EXTL3: variants seen among roughly 807,000 people sequenced by gnomAD.
The protein encoded by EXTL3 is exostosin like glycosyltransferase 3.
In EXTL3, 27 loss-of-function variants were observed where a neutral mutation model predicts 69.3. That is an observed-to-expected ratio of 0.39 (90% CI 0.29 to 0.54). EXTL3 has a LOEUF of 0.54. EXTL3 is among the 20% of genes least tolerant of loss of function. The pLI is 0.69. For missense variants in EXTL3, 1,003 were observed against 1,231.8 expected (o/e 0.81, Z 2.78); for synonymous variants, 511 against 499.4 (o/e 1.02, Z -0.31).
chr8:28,701,100 T>C (rs1395670544), upstream of EXTL3: 1 of 152,272 alleles, frequency 6.6e-6, no homozygotes, highest in Non-Finnish European at 1.5e-5. Flanking sequence ...TTGGAGGCCT[T>C]TTCTCTGAGA....
Position 28,661,014 on chromosome 8 carries a change from C to A in EXTL3, c.-53+38204C>A, listed in dbSNP as rs534840021. On this transcript the variant is annotated intron_variant, in intron 1 of 6. Transcript: ENST00000523149. ...CTGCAAGCTCCGCCTCCCGGGTTCA[C>A]GCTATTCTTCTGCCTCAGCCTCCCA... Among the ~76,000 whole-genome samples, 49 of 150,584 alleles carry A rather than the reference C, an allele frequency of 3.3e-4. No homozygotes were observed. In the Admixed American group the frequency reaches 3.3e-3, roughly 10 times the overall value.
intron 2 of EXTL3, among the ~76,000 whole-genome samples, chr8:28,617,183 C>T (rs1331489471): frequency 1.3e-5 from 2 of 152,138 alleles, no homozygotes; most frequent in Non-Finnish European, 2.9e-5. Flanking sequence ...ATGAATGAGT[C>T]ATACCTGTTG....
At chr8:28,705,514 T>G (rs2130710887) in intron 1 of EXTL3, among the ~76,000 whole-genome samples, 1 of 151,368 alleles carries the variant, frequency 6.6e-6, no homozygotes, top group East Asian at 1.9e-4. Flanking sequence ...AGTCCAGGAG[T>G]TCAAGACCAG....
At position 28,752,010 on chromosome 8, in the gene EXTL3, G is replaced by A. The variant is rs139751755; in HGVS notation, c.*1144G>A. 97 of 152,426 alleles carry A rather than the reference G, an allele frequency of 6.4e-4. No individual in the cohort carries two copies. In the East Asian group the frequency reaches 0.014, roughly 22 times the overall value. The allele number at this position is 152,426 out of a possible 1,614,324, so 9.4% of individuals were successfully genotyped here. ...CCTTGGTGAAATTCACCTTCCCCCC[G>A]CCTCTGTCTGGAGCCCCATCCTGTG... is the stretch of plus-strand genomic sequence containing the variant. On this transcript the variant is annotated 3_prime_UTR_variant, in exon 7 of 7. Coordinates refer to ENST00000220562, the MANE Select transcript of EXTL3 (RefSeq NM_001440.4).
chr8:28,671,052 C>T (rs1807279685), intron 1 of EXTL3, among the ~76,000 whole-genome samples: 1 of 151,770 alleles, frequency 6.6e-6, no homozygotes, highest in South Asian at 2.1e-4. Context: ...ACAATCTTGG[C>T]TCACTGCAGC....
chr8:28,683,681 G>A (rs941458528), intron 1 of EXTL3, among the ~76,000 whole-genome samples: 7 of 152,084 alleles, frequency 4.6e-5, no homozygotes, highest in Admixed American at 3.9e-4. Flanking sequence ...GTAGTGGCAC[G>A]CGCCTGTAGT....
chr8:28,717,946 C>A lies in EXTL3; in HGVS notation c.1887C>A (p.Phe629Leu). ...FDPVLPSEAK[F>L]LGSGTGFRPI... ...CTGTGTTGCCCTCAGAGGCCAAATT[C>A]TTGGGCTCAGGGACTGGCTTTCGGC... Residue 629 changes from phenylalanine (F) to leucine (L), a missense_variant, in exon 3 of 7, where the codon TTC becomes TTA. Transcript: ENST00000220562. This position sits in a 1 kb window ranked among gnomAD's most constrained non-coding sequence, Gnocchi z 8.3. 6.2e-7 allele frequency: 1 copy of A among 1,614,254 alleles called. No individual in the cohort carries two copies. The highest frequency in any genetic ancestry group is 8.5e-7 in the Non-Finnish European group (1 of 1,180,046).
Position 28,655,554 on chromosome 8 carries a change from G to T in EXTL3, c.-53+32744G>T, listed in dbSNP as rs530655039. Among the ~76,000 whole-genome samples the T allele has an allele frequency of 2.0e-4, 29 of 146,780 alleles. 1 individual carries two copies. In the Admixed American group the frequency reaches 2.0e-3, roughly 10 times the overall value. On this transcript the variant is annotated intron_variant, in intron 1 of 6. Coordinates refer to the EXTL3 transcript ENST00000523149. ...TGCACAGGCTGGAGTGCAGTGGCAC[G>T]ATCATAGCTCACTGCATCTTTGACC...
chr8:28,621,984 AT>A (rs1009026687), upstream of EXTL3, among the ~76,000 whole-genome samples: 18 of 152,112 alleles, frequency 1.2e-4, no homozygotes, highest in Non-Finnish European at 5.9e-5. Flanking sequence ...TGTGTAATTT[AT>A]TTTTTAACTG....
upstream of EXTL3, among the ~76,000 whole-genome samples, chr8:28,619,866 TTTTTTTTTTTTTTTTTTTTTTTG>T (rs1806387124): frequency 8.9e-6 from 1 of 112,764 alleles, no homozygotes. Context: ...TTTTTTTTTT[TTTTTTTTTTTTTTTTTTTTTTTG>T]AGACGGAGTC....
Position 28,623,258 on chromosome 8 carries a change from G to C in EXTL3, c.-53+448G>C, listed in dbSNP as rs1394863891. 3.3e-5 allele frequency among the ~76,000 whole-genome samples: 5 copies of C among 152,190 alleles called. No individual in the cohort carries two copies. The highest frequency in any genetic ancestry group is 2.6e-4 in the Admixed American group (4 of 15,282). On this transcript the variant is annotated intron_variant, in intron 1 of 6. Coordinates refer to the EXTL3 transcript ENST00000523149. This position sits in a 1 kb window ranked among gnomAD's most constrained non-coding sequence, Gnocchi z 4.2. ...GCCTCGCGCGCTGTCAGGAGGCGCT[G>C]TCCCCGTGGGTAAGCCCGTGCCGTG...
intron 1 of EXTL3, among the ~76,000 whole-genome samples, chr8:28,684,035 CT>C (rs1282416589): frequency 1.3e-5 from 2 of 152,100 alleles, no homozygotes; most frequent in African/African-American, 4.8e-5. Context: ...TGAAGTTTGT[CT>C]TTTTGTGCCT....
In EXTL3 at chr8:28,749,201, C is replaced by G. The variant is rs1801952374; in HGVS notation, c.2551-1456C>G. Reference sequence around the variant, plus strand: ...AGCAGGAGTGAACACATATAACAAACAGGTTATAGTTCTCCAAGGATTTCA... The same window carrying G: ...AGCAGGAGTGAACACATATAACAAAGAGGTTATAGTTCTCCAAGGATTTCA... On this transcript the variant is annotated intron_variant, in intron 6 of 6. Transcript: ENST00000220562. Among the ~76,000 whole-genome samples the G allele has an allele frequency of 3.3e-5, 5 of 151,670 alleles. No individual in the cohort carries two copies. In the South Asian group the frequency reaches 1.0e-3, roughly 32 times the overall value.
intron 3 of EXTL3, among the ~76,000 whole-genome samples, chr8:28,729,899 G>T (rs937454192): frequency 6.6e-6 from 1 of 150,858 alleles, no homozygotes; most frequent in Non-Finnish European, 1.5e-5. Context: ...CTTGCCAGTT[G>T]TATGACATCA....
intron 1 of EXTL3, among the ~76,000 whole-genome samples, chr8:28,652,025 T>TTG (rs113760212): frequency 1.3e-5 from 2 of 151,296 alleles, no homozygotes; most frequent in East Asian, 1.9e-4. Flanking sequence ...TAATATTCCA[T>TTG]TGTGTGTGTG....
chr8:28,755,795 A>G (rs1416143786), downstream of EXTL3, among the ~76,000 whole-genome samples: 1 of 151,426 alleles, frequency 6.6e-6, no homozygotes, highest in Admixed American at 6.6e-5. Context: ...TAGGACTGTC[A>G]TGTTAGCATT....
intron 1 of EXTL3, among the ~76,000 whole-genome samples, chr8:28,713,019 G>A (rs1392687413): frequency 1.3e-5 from 2 of 152,182 alleles, no homozygotes; most frequent in African/African-American, 2.4e-5. Flanking sequence ...GTCAGCTCAC[G>A]GCCGATCTTG....
At chr8:28,678,217 C>T (rs1807420487) in intron 1 of EXTL3, 1 of 152,224 alleles carries the variant, frequency 6.6e-6, no homozygotes. Flanking sequence ...GACCCTGCAC[C>T]TAGTCTCATC....
intron 1 of EXTL3, among the ~76,000 whole-genome samples, chr8:28,638,637 G>C (rs79810468): frequency 0.029 from 4,402 of 152,178 alleles, 155 homozygotes; most frequent in African/African-American, 0.084. Context: ...CTTTTGTTTT[G>C]TTTTGTTTTT....
Sources: allele counts gnomAD v4.1 joint callset (sites outside exome capture counted in the v4.1 genomes callset), GRCh38; gene constraint gnomAD v4.1.1; non-coding constraint Gnocchi (gnomAD v3.1); transcripts MANE v1.5; gene names NCBI Gene and HGNC (gene_info 2026-07-23, HGNC 2026-07-21).